Variants in AGBL1 observed in about 807,000 individuals in gnomAD.
AGBL1 encodes AGBL carboxypeptidase 1, also known as cytosolic carboxypeptidase 4.
A neutral mutation model predicts 118.9 loss-of-function variants in AGBL1; 130 were observed. The observed-to-expected ratio is 1.09, with a 90% confidence interval of 0.95 to 1.26. The LOEUF (loss-of-function observed/expected upper bound fraction) is 1.26, where lower values mean the gene tolerates loss of function less well. AGBL1 is among the 50% of genes most tolerant of loss of function. The pLI, the probability that AGBL1 is intolerant of heterozygous loss-of-function variation, is 0.00. For missense variants in AGBL1, 1,584 were observed against 1,298.1 expected, an observed-to-expected ratio of 1.22 and a Z score of -3.38; for synonymous variants, 555 against 478.9, an observed-to-expected ratio of 1.16 and a Z score of -2.08.
intron 18 of AGBL1, among the ~76,000 whole-genome samples, chr15:86,448,945 A>G (rs2082160068): frequency 6.6e-6 from 1 of 152,150 alleles, no homozygotes; most frequent in Non-Finnish European, 1.5e-5. Flanking sequence ...TTGTATGGAG[A>G]TATTTGTGGC....
intron 22 of AGBL1, among the ~76,000 whole-genome samples, chr15:86,712,099 T>C (rs562065646): frequency 6.6e-6 from 1 of 152,172 alleles, no homozygotes; most frequent in Non-Finnish European, 1.5e-5. Flanking sequence ...TTTCTGACTC[T>C]ATAGCCTTTG....
chr15:86,509,748 T>C (rs565883678), intron 18 of AGBL1, among the ~76,000 whole-genome samples: 1 of 152,252 alleles, frequency 6.6e-6, no homozygotes, highest in East Asian at 1.9e-4. Context: ...TGACACTTTG[T>C]CTTTTCTTTT....
chr15:86,639,990 C>A (rs989701654), intron 21 of AGBL1, among the ~76,000 whole-genome samples: 1 of 152,118 alleles, frequency 6.6e-6, no homozygotes, highest in Non-Finnish European at 1.5e-5. Context: ...GTGTACTGGG[C>A]TGTGACATTT....
intron 21 of AGBL1, among the ~76,000 whole-genome samples, chr15:86,671,560 T>A (rs2085747144): frequency 6.6e-6 from 1 of 152,212 alleles, no homozygotes; most frequent in South Asian, 2.1e-4. Context: ...GAACCCGTGA[T>A]AACTGACCAA....
intron 24 of AGBL1, among the ~76,000 whole-genome samples, chr15:87,015,698 G>A (rs929558076): frequency 6.6e-6 from 1 of 152,052 alleles, no homozygotes; most frequent in Admixed American, 6.6e-5. Flanking sequence ...ATTATTCTTA[G>A]CCAATTATAG....
chr15:86,564,710 A>C (rs1265639844), intron 21 of AGBL1, among the ~76,000 whole-genome samples: 2 of 152,180 alleles, frequency 1.3e-5, no homozygotes, highest in African/African-American at 4.8e-5. Context: ...CTCCTGGATA[A>C]TATCTTGCAG....
chr15:86,136,674 T>C (rs974632990), intron 1 of AGBL1, among the ~76,000 whole-genome samples: 1 of 152,192 alleles, frequency 6.6e-6, no homozygotes, highest in Non-Finnish European at 1.5e-5. Flanking sequence ...TAACTGGTTC[T>C]GTATCATTGG....
chr15:86,554,001 C>T (rs2083697758), intron 20 of AGBL1, among the ~76,000 whole-genome samples: 1 of 152,094 alleles, frequency 6.6e-6, no homozygotes, highest in Non-Finnish European at 1.5e-5. Flanking sequence ...GCTGGGATTA[C>T]AGGTGCCTGC....
At chr15:86,143,478 C>T (rs2076991444) in intron 2 of AGBL1, among the ~76,000 whole-genome samples, 1 of 152,196 alleles carries the variant, frequency 6.6e-6, no homozygotes, top group African/African-American at 2.4e-5. Context: ...TGCAGCTGAA[C>T]ACAACTAGGT....
Position 86,554,547 on chromosome 15 carries a change from G to C in AGBL1, c.2994+10G>C. On this transcript the variant is annotated intron_variant, in intron 21 of 22. Transcript: ENST00000614907. ...CCAGGGCCCTTATCAGGTATGTGAG[G>C]CTGCAGGACACCCATACTTTCTGTC... 6.8e-7 allele frequency: 1 copy of C among 1,478,362 alleles called. No homozygotes were observed. The highest frequency in any genetic ancestry group is 9.0e-7 in the Non-Finnish European group (1 of 1,115,664). 91.6% of individuals were successfully genotyped at this position (1,478,362 alleles called of 1,614,324 possible).
At chr15:86,740,622 G>C (rs149538535) in intron 22 of AGBL1, among the ~76,000 whole-genome samples, 2 of 152,150 alleles carry the variant, frequency 1.3e-5, no homozygotes, top group Non-Finnish European at 2.9e-5. Flanking sequence ...ATTTATAAGT[G>C]CTTGTAGAAG....
At chr15:86,675,867 T>C (rs137895587) in intron 22 of AGBL1, among the ~76,000 whole-genome samples, 20 of 152,308 alleles carry the variant, frequency 1.3e-4, no homozygotes, top group African/African-American at 4.3e-4. Context: ...ATTGTGCCCG[T>C]CTGTTTGATC....
At chr15:86,239,590 G>A (rs1407663059) in intron 6 of AGBL1, among the ~76,000 whole-genome samples, 4 of 152,138 alleles carry the variant, frequency 2.6e-5, no homozygotes, top group Admixed American at 2.6e-4. Context: ...TGGATGTAAA[G>A]AAGTCCCCAA....
intron 21 of AGBL1, among the ~76,000 whole-genome samples, chr15:86,569,581 T>G (rs2083972103): frequency 6.6e-6 from 1 of 152,240 alleles, no homozygotes; most frequent in African/African-American, 2.4e-5. Flanking sequence ...GGATATGATC[T>G]CAAAGCACAC....
intron 22 of AGBL1, among the ~76,000 whole-genome samples, chr15:86,708,256 A>G (rs1187756094): frequency 3.3e-5 from 5 of 152,104 alleles, no homozygotes; most frequent in Non-Finnish European, 7.4e-5. Flanking sequence ...AGTAACTGAG[A>G]TTAAATGAGA....
At chr15:86,695,078 G>C (rs11073656) in intron 22 of AGBL1, among the ~76,000 whole-genome samples, 1 of 151,700 alleles carries the variant, frequency 6.6e-6, no homozygotes. Context: ...GTCTTTTCCC[G>C]GTTTGGGCAT....
chr15:87,000,420 G>T (rs2081424202), intron 24 of AGBL1, among the ~76,000 whole-genome samples: 1 of 129,824 alleles, frequency 7.7e-6, no homozygotes, highest in Admixed American at 7.9e-5. Context: ...TGTAAGGAAG[G>T]GATCCAGTTT....
At chr15:87,031,455 C>G (rs1239478242), downstream of AGBL1, among the ~76,000 whole-genome samples, 1 of 148,212 alleles carries the variant, frequency 6.7e-6, no homozygotes, top group Non-Finnish European at 1.5e-5. Flanking sequence ...AACTTCATGT[C>G]AAATGATTTT....
chr15:86,723,288 A>G (rs2142727753), intron 22 of AGBL1, among the ~76,000 whole-genome samples: 1 of 152,366 alleles, frequency 6.6e-6, no homozygotes, highest in Non-Finnish European at 1.5e-5. Flanking sequence ...GGATTAAGAA[A>G]ATGTGGCACA....
Sources: allele counts gnomAD v4.1 joint callset (sites outside exome capture counted in the v4.1 genomes callset), GRCh38; gene constraint gnomAD v4.1.1; transcripts MANE v1.5; gene names NCBI Gene and HGNC (gene_info 2026-07-23, HGNC 2026-07-21).